Variants in DRC1 observed in about 807,000 individuals in gnomAD.
The protein encoded by DRC1 is dynein regulatory complex subunit 1.
DRC1 carries 74 observed loss-of-function variants against 98.7 expected under a neutral mutation model. That is an observed-to-expected ratio of 0.75 (90% CI 0.62 to 0.91). The LOEUF (loss-of-function observed/expected upper bound fraction) is 0.91. DRC1 is among the 40% of genes least tolerant of loss of function. The pLI is 0.00. For missense variants in DRC1, 875 were observed against 886.0 expected (o/e 0.99, Z 0.16); for synonymous variants, 336 against 334.1 (o/e 1.01, Z -0.06).
At chr2:26,410,837 A>C (rs1317484156) in intron 1 of DRC1, among the ~76,000 whole-genome samples, 1 of 152,172 alleles carries the variant, frequency 6.6e-6, no homozygotes, top group African/African-American at 2.4e-5. Context: ...CAACAAAACA[A>C]AACAAAACAA....
intron 13 of DRC1, among the ~76,000 whole-genome samples, chr2:26,450,897 G>A (rs544336493): frequency 1.3e-4 from 19 of 142,208 alleles, no homozygotes; most frequent in African/African-American, 4.9e-4. Flanking sequence ...CCCCCCGACA[G>A]GCCCCGGTGT....
intron 2 of DRC1, among the ~76,000 whole-genome samples, chr2:26,417,216 G>T (rs1227558904): frequency 1.3e-5 from 2 of 152,142 alleles, no homozygotes; most frequent in African/African-American, 2.4e-5. Context: ...CACCAGCTCT[G>T]TGCCAATTCC....
At chr2:26,426,578 G>A (rs549160225) in intron 4 of DRC1, among the ~76,000 whole-genome samples, 4 of 151,922 alleles carry the variant, frequency 2.6e-5, no homozygotes, top group African/African-American at 9.7e-5. Context: ...TTTTGGCCAG[G>A]CTAGTCTCGA....
chr2:26,432,061 C>T (rs1663451174), intron 7 of DRC1, 55 bp downstream of exon 7: 1 of 1,578,850 alleles, frequency 6.3e-7, no homozygotes. Flanking sequence ...ATGGTGAACA[C>T]CTGTGAATGT....
chr2:26,441,046 CT>C (rs1663705258), intron 8 of DRC1, among the ~76,000 whole-genome samples: 1 of 152,190 alleles, frequency 6.6e-6, no homozygotes, highest in Admixed American at 6.5e-5. Flanking sequence ...TGCCAGTTTG[CT>C]TTTGTGGAGA....
At chr2:26,428,486 C>T (rs567640872) in intron 4 of DRC1, among the ~76,000 whole-genome samples, 1 of 152,294 alleles carries the variant, frequency 6.6e-6, no homozygotes, top group African/African-American at 2.4e-5. Flanking sequence ...TGTATCTAAA[C>T]AGAAAAGGCA....
intron 13 of DRC1, 75 bp from the exon 14 acceptor site, chr2:26,453,245 T>A: frequency 3.2e-6 from 5 of 1,553,088 alleles, no homozygotes; most frequent in Non-Finnish European, 4.4e-6. Context: ...TTCTGGTTTT[T>A]CTTCTTCCTG....
chr2:26,438,127 A>G (rs183033775), intron 7 of DRC1, among the ~76,000 whole-genome samples: 91 of 151,704 alleles, frequency 6.0e-4, no homozygotes, highest in African/African-American at 2.1e-3. Context: ...CTGTACCATT[A>G]AAATGATGTT....
intron 7 of DRC1, among the ~76,000 whole-genome samples, chr2:26,438,911 G>A (rs1479642623): frequency 6.6e-6 from 1 of 152,194 alleles, no homozygotes; most frequent in Admixed American, 6.5e-5. Context: ...CTCGGGAGAA[G>A]CAGGAGCATG....
At chr2:26,434,487 C>A (rs2147993802) in intron 7 of DRC1, among the ~76,000 whole-genome samples, 1 of 152,280 alleles carries the variant, frequency 6.6e-6, no homozygotes, top group Admixed American at 6.5e-5. Flanking sequence ...GAATATTAAT[C>A]CCCCCAAATT....
intron 4 of DRC1, among the ~76,000 whole-genome samples, chr2:26,424,727 G>A (rs1445163170): frequency 3.9e-5 from 6 of 152,136 alleles, no homozygotes; most frequent in East Asian, 1.9e-4. Flanking sequence ...CGAGGCAGGC[G>A]GATAACTTGA....
intron 2 of DRC1, among the ~76,000 whole-genome samples, chr2:26,420,375 G>T (rs1663095098): frequency 1.1e-5 from 1 of 89,336 alleles, no homozygotes; most frequent in Non-Finnish European, 2.9e-5. Flanking sequence ...GTCATTACCT[G>T]CCTCACTGTC....
rs1414495064 is a variant in DRC1, at chr2:26,432,062, C to G, written c.888+56C>G. The G allele has an allele frequency of 1.9e-6, 3 of 1,577,630 alleles. No homozygotes were observed. In the African/African-American group the frequency reaches 4.0e-5, roughly 21 times the overall value. ...GGGTGGCGGAGCAGATGGTGAACAC[C>G]TGTGAATGTTTCATATTTAGCAACT... On this transcript the variant is annotated intron_variant, in intron 7 of 16. Coordinates refer to ENST00000288710, the MANE Select transcript of DRC1 (RefSeq NM_145038.5).
At chr2:26,444,080 T>G in intron 8 of DRC1, 142 bp from the exon 9 acceptor site, 1 of 1,172,490 alleles carries the variant, frequency 8.5e-7, no homozygotes, top group Non-Finnish European at 1.2e-6. Flanking sequence ...ATGGGATCTG[T>G]GTTTTGGAAT....
chr2:26,409,090 C>A (rs1020882562), intron 1 of DRC1, among the ~76,000 whole-genome samples: 1 of 151,602 alleles, frequency 6.6e-6, no homozygotes, highest in Non-Finnish European at 1.5e-5. Flanking sequence ...GGCCACCATG[C>A]CCGGCTAATT....
intron 3 of DRC1, 102 bp downstream of exon 3, chr2:26,421,502 A>C: frequency 1.2e-6 from 1 of 803,382 alleles, no homozygotes; most frequent in Non-Finnish European, 1.9e-6. Context: ...CACCTTAGAC[A>C]ATTCCCTTCC....
chr2:26,414,382 G>C lies in DRC1; in HGVS notation c.194G>C (p.Ser65Thr). The change falls in exon 2 of 17, where the codon AGT becomes ACT. Residue 65 changes from serine (S) to threonine (T), a missense_variant. Ser to Thr is a moderately conservative substitution (Grantham distance 58, BLOSUM62 1). Coordinates refer to ENST00000288710, the MANE Select transcript of DRC1 (RefSeq NM_145038.5). ...GAATATTTAGATGGGAAGAAGGAGAGTGAGGAGGATCAAAGCAAGAGCTAC... is the reference window on the plus strand; with the variant it reads ...GAATATTTAGATGGGAAGAAGGAGACTGAGGAGGATCAAAGCAAGAGCTAC... ...LGEYLDGKKE[S>T]EEDQSKSYKQ... is the part of the protein sequence containing the mutation. The C allele has an allele frequency of 6.2e-7, 1 of 1,613,974 alleles. No homozygotes were observed. The highest frequency in any genetic ancestry group is 1.3e-5 in the African/African-American group (1 of 75,002).
rs370126929 is a variant in DRC1 at position 26,454,841 on chromosome 2, C to A, written c.2063+51C>A. ...AGGGTGCTGGCGGGCAGGTGAGGAA[C>A]GGTTGTTGGGAGCAGCCGCGTTTGC... is the stretch of plus-strand genomic sequence containing the variant. On this transcript the variant is annotated intron_variant, in intron 15 of 16. Transcript: ENST00000288710. The surrounding 1 kb of genome is among the most constrained non-coding windows in gnomAD (Gnocchi z 5.2). The A allele has an allele frequency of 4.3e-5, 70 of 1,610,768 alleles. No individual in the cohort carries two copies. Among genetic ancestry groups the A allele is most frequent in the Admixed American group, 8.4e-5 (5 of 59,828 alleles).
Position 26,431,901 on chromosome 2 carries a change from C to T in DRC1, c.783C>T (p.Asn261=). ...GCCTTTAGCTGGAGTATCTTAACAA[C>T]CGCATGAAGAAAGTAGAGGACTATG... ...HNAKELEYLN[N]RMKKVEDYEK... The change falls in exon 7 of 17, where the codon AAC becomes AAT. Residue 261 remains asparagine, a synonymous_variant. Coordinates refer to ENST00000288710, the MANE Select transcript of DRC1 (RefSeq NM_145038.5). 2 of 1,613,982 alleles carry T rather than the reference C, an allele frequency of 1.2e-6. No individual in the cohort carries two copies. Among genetic ancestry groups the T allele is most frequent in the Non-Finnish European group, 1.7e-6 (2 of 1,179,880 alleles).
Sources: gnomAD v4.1 joint callset for allele counts (sites outside exome capture counted in the v4.1 genomes callset) on GRCh38, gnomAD v4.1.1 for gene constraint, Gnocchi (gnomAD v3.1) non-coding constraint, MANE v1.5 for transcripts, NCBI Gene and HGNC (gene_info 2026-07-23, HGNC 2026-07-21) for gene names.